The following COL26A1 variants were observed in gnomAD, a reference collection of about 807,000 sequenced individuals.
COL26A1 encodes the protein collagen type XXVI alpha 1 chain, also known as collagen alpha-1(XXVI) chain.
A neutral mutation model predicts 59.3 loss-of-function variants in COL26A1; 41 were observed. The observed-to-expected ratio is 0.69, with a 90% confidence interval of 0.54 to 0.90. COL26A1 has a LOEUF of 0.90. Among genes scored for constraint, COL26A1 ranks in the 40% least tolerant of loss-of-function variants. COL26A1 has a pLI of 0.00. For synonymous variants in COL26A1, 266 were observed against 256.0 expected (o/e 1.04, Z -0.37); for missense variants, 612 against 602.3 (o/e 1.02, Z -0.17).
chr7:101,385,367 G>GTATA (rs373941775), intron 1 of COL26A1, among the ~76,000 whole-genome samples: 182 of 137,034 alleles, frequency 1.3e-3, no homozygotes, highest in African/African-American at 3.8e-3. Context: ...ATATATGTGT[G>GTATA]TATATATATA....
intron 3 of COL26A1, among the ~76,000 whole-genome samples, chr7:101,497,802 T>G (rs6465813): frequency 0.57 from 86,342 of 152,036 alleles, 26,671 homozygotes; most frequent in African/African-American, 0.8. Context: ...GCAACATAGC[T>G]AGGCCCCATC....
rs1006320835 is a variant in COL26A1, at chr7:101,405,421, A to G, written c.159-14556A>G. On this transcript the variant is annotated intron_variant, in intron 1 of 12. Coordinates refer to ENST00000313669, the MANE Select transcript of COL26A1 (RefSeq NM_001278563.3). The stretch of plus-strand genomic sequence containing the variant: ...CAATTACAGCTCACTACAGCCTTGG[A>G]CTCCTTGGGCTCAAGTGATCCTCCC... Among the ~76,000 whole-genome samples, 27 of 151,190 alleles carry G rather than the reference A, an allele frequency of 1.8e-4. 1 individual carries two copies. Among genetic ancestry groups the G allele is most frequent in the Non-Finnish European group, 1.6e-4 (11 of 67,830 alleles).
chr7:101,382,970 A>G (rs1791481356), intron 1 of COL26A1, among the ~76,000 whole-genome samples: 1 of 152,210 alleles, frequency 6.6e-6, no homozygotes. Context: ...TGAGCCCCGG[A>G]GGCAGAGGTT....
intron 2 of COL26A1, among the ~76,000 whole-genome samples, chr7:101,430,450 A>G (rs902507835): frequency 1.3e-5 from 2 of 151,042 alleles, no homozygotes; most frequent in African/African-American, 4.9e-5. Flanking sequence ...CACTGCACCC[A>G]GCTAATTTTT....
chr7:101,510,801 T>C (rs1794904904), intron 3 of COL26A1, among the ~76,000 whole-genome samples: 1 of 152,162 alleles, frequency 6.6e-6, no homozygotes, highest in South Asian at 2.1e-4. Flanking sequence ...ATTACAGGCG[T>C]GAGCCACTGT....
intron 3 of COL26A1, among the ~76,000 whole-genome samples, chr7:101,517,305 C>T (rs1464310420): frequency 6.6e-6 from 1 of 152,178 alleles, no homozygotes. Context: ...GCTCTGACAC[C>T]TGCCTGCCCA....
intron 2 of COL26A1, among the ~76,000 whole-genome samples, chr7:101,439,775 T>C (rs985903151): frequency 6.6e-6 from 1 of 151,656 alleles, no homozygotes; most frequent in African/African-American, 2.4e-5. Context: ...ATCTTGTTTT[T>C]GCCTCCAAAA....
intron 1 of COL26A1, among the ~76,000 whole-genome samples, chr7:101,417,352 C>T (rs1435296641): frequency 6.7e-6 from 1 of 148,556 alleles, no homozygotes; most frequent in Admixed American, 6.7e-5. Context: ...GAGAGTGACC[C>T]TGTTTCTCCT....
intron 3 of COL26A1, 94 bp from the exon 4 acceptor site, chr7:101,532,988 C>A: frequency 1.1e-6 from 1 of 910,564 alleles, no homozygotes; most frequent in Non-Finnish European, 1.7e-6. Flanking sequence ...GATTTCTCTG[C>A]TTGCCTGCCT....
At chr7:101,392,251 G>T (rs1237601657) in intron 1 of COL26A1, among the ~76,000 whole-genome samples, 1 of 152,104 alleles carries the variant, frequency 6.6e-6, no homozygotes, top group Non-Finnish European at 1.5e-5. Flanking sequence ...AGGAGTGAAG[G>T]TACATGAGGG....
chr7:101,506,757 T>C (rs920143090), intron 3 of COL26A1, among the ~76,000 whole-genome samples: 2 of 152,222 alleles, frequency 1.3e-5, no homozygotes, highest in Non-Finnish European at 2.9e-5. Context: ...GTTTGGACCA[T>C]CCGGGGATTT....
intron 1 of COL26A1, among the ~76,000 whole-genome samples, chr7:101,371,824 G>A (rs1000978609): frequency 2.0e-5 from 3 of 152,016 alleles, no homozygotes; most frequent in African/African-American, 7.2e-5. Flanking sequence ...CCCAGCCTCC[G>A]TCCTTGATGA....
intron 3 of COL26A1, among the ~76,000 whole-genome samples, chr7:101,517,521 C>T (rs1457919502): frequency 2.6e-5 from 4 of 152,194 alleles, no homozygotes; most frequent in Non-Finnish European, 5.9e-5. Flanking sequence ...TGCAGGGAAA[C>T]TCCCACTTAT....
intron 1 of COL26A1, among the ~76,000 whole-genome samples, chr7:101,419,660 C>T (rs1473608269): frequency 6.6e-6 from 1 of 152,214 alleles, no homozygotes. Flanking sequence ...GAACGTGTTA[C>T]CTGCTGTTCC....
chr7:101,491,793 T>G (rs1794466423), intron 3 of COL26A1, among the ~76,000 whole-genome samples: 1 of 152,196 alleles, frequency 6.6e-6, no homozygotes, highest in Non-Finnish European at 1.5e-5. Flanking sequence ...AGCAAGGTTT[T>G]TATGACCTGT....
intron 1 of COL26A1, among the ~76,000 whole-genome samples, chr7:101,380,488 G>T (rs933880799): frequency 6.6e-6 from 1 of 151,942 alleles, no homozygotes; most frequent in African/African-American, 2.4e-5. Context: ...AGAGACGAGG[G>T]TTTCACCATG....
intron 3 of COL26A1, 130 bp from the exon 4 acceptor site, chr7:101,532,952 G>A: frequency 1.4e-6 from 1 of 692,244 alleles, no homozygotes; most frequent in South Asian, 1.7e-5. Flanking sequence ...AGGATGAATA[G>A]GAGTTTTCCA....
chr7:101,455,270 C>T (rs764672292), intron 3 of COL26A1, among the ~76,000 whole-genome samples: 2 of 151,816 alleles, frequency 1.3e-5, no homozygotes, highest in Admixed American at 6.6e-5. Flanking sequence ...TCTCCAACTC[C>T]TGGGCTCAAG....
At chr7:101,462,157 G>A (rs757568905) in intron 3 of COL26A1, among the ~76,000 whole-genome samples, 7 of 150,876 alleles carry the variant, frequency 4.6e-5, no homozygotes, top group Non-Finnish European at 8.9e-5. Context: ...CCGCCTCCAC[G>A]CCCGGCTAAT....
Sources: allele counts gnomAD v4.1 joint callset (sites outside exome capture counted in the v4.1 genomes callset), GRCh38; gene constraint gnomAD v4.1.1; transcripts MANE v1.5; gene names NCBI Gene and HGNC (gene_info 2026-07-23, HGNC 2026-07-21).